The following OR51B5 variants were observed in gnomAD, a reference collection of about 807,000 sequenced individuals.
The protein encoded by OR51B5 is olfactory receptor family 51 subfamily B member 5.
For missense variants in OR51B5, 456 were observed against 374.6 expected (o/e 1.22, Z -1.79); for synonymous variants, 186 against 144.8 (o/e 1.28, Z -2.04).
At chr11:5,461,244 G>C (rs759236646) in intron 1 of OR51B5, among the ~76,000 whole-genome samples, 4 of 152,194 alleles carry the variant, frequency 2.6e-5, no homozygotes, top group Non-Finnish European at 5.9e-5. Flanking sequence ...TTCATGTTGA[G>C]AGGCTGCAGG....
intron 1 of OR51B5, among the ~76,000 whole-genome samples, chr11:5,463,789 C>G (rs1313036875): frequency 6.6e-6 from 1 of 152,178 alleles, no homozygotes; most frequent in Non-Finnish European, 1.5e-5. Flanking sequence ...TGGGAGAAAC[C>G]TGTCTAAAGA....
intron 1 of OR51B5, among the ~76,000 whole-genome samples, chr11:5,377,885 C>G (rs904464013): frequency 1.2e-4 from 18 of 152,070 alleles, no homozygotes; most frequent in African/African-American, 4.3e-4. Context: ...GGCCATAATG[C>G]CCAAGGTAAT....
chr11:5,376,216 G>C (rs1200789130), intron 1 of OR51B5, among the ~76,000 whole-genome samples: 1 of 151,748 alleles, frequency 6.6e-6, no homozygotes, highest in Non-Finnish European at 1.5e-5. Flanking sequence ...ATGACTACTG[G>C]GTACATAACG....
chr11:5,362,678 AT>A, intron 1 of OR51B5: 1 of 209,518 alleles, frequency 4.8e-6, no homozygotes, highest in Non-Finnish European at 1.0e-5. Flanking sequence ...CCCCCATCTG[AT>A]TGTAGAGCTT....
chr11:5,362,430 T>A (rs946594709), intron 1 of OR51B5, among the ~76,000 whole-genome samples: 2 of 152,198 alleles, frequency 1.3e-5, no homozygotes, highest in Admixed American at 6.5e-5. Context: ...GAACATTAGT[T>A]GTTGAGCCTT....
At chr11:5,401,989 G>C (rs566314233) in intron 1 of OR51B5, among the ~76,000 whole-genome samples, 2 of 136,966 alleles carry the variant, frequency 1.5e-5, no homozygotes, top group African/African-American at 5.5e-5. Flanking sequence ...CCTCCCTCCC[G>C]CTTGCTGTTC....
At chr11:5,355,678 C>G (rs1014242704) in intron 1 of OR51B5, 1 of 151,640 alleles carries the variant, frequency 6.6e-6, no homozygotes, top group Non-Finnish European at 1.5e-5. Flanking sequence ...ACTGTATCCA[C>G]AAATCATCTG....
At chr11:5,410,936 G>A (rs570092871) in intron 1 of OR51B5, among the ~76,000 whole-genome samples, 1 of 65,836 alleles carries the variant, frequency 1.5e-5, no homozygotes, top group South Asian at 7.5e-4. Flanking sequence ...ATGCATTCAT[G>A]GATTTAGCTG....
chr11:5,471,601 A>T (rs868285451), intron 1 of OR51B5, among the ~76,000 whole-genome samples: 1 of 149,420 alleles, frequency 6.7e-6, no homozygotes, highest in Non-Finnish European at 1.5e-5. Flanking sequence ...GCACCATTGC[A>T]CTCCAGCCTG....
intron 1 of OR51B5, among the ~76,000 whole-genome samples, chr11:5,484,262 T>C (rs1396712070): frequency 6.6e-6 from 1 of 152,150 alleles, no homozygotes; most frequent in Non-Finnish European, 1.5e-5. Flanking sequence ...GGTGCCTGTA[T>C]TGTGAACCTA....
chr11:5,476,661 A>C (rs1851310694), intron 1 of OR51B5, among the ~76,000 whole-genome samples: 1 of 152,338 alleles, frequency 6.6e-6, no homozygotes, highest in Middle Eastern at 3.4e-3. Flanking sequence ...TCACCAACCC[A>C]AAATAATACC....
intron 1 of OR51B5, chr11:5,390,549 T>C: frequency 1.7e-6 from 1 of 597,350 alleles, no homozygotes; most frequent in Non-Finnish European, 2.8e-6. Flanking sequence ...TGAACTTCTC[T>C]TGCTTAGATT....
intron 1 of OR51B5, among the ~76,000 whole-genome samples, chr11:5,433,751 G>A (rs899821547): frequency 4.6e-5 from 7 of 152,006 alleles, no homozygotes; most frequent in African/African-American, 1.7e-4. Context: ...AGAATCACTT[G>A]AGTCCAGGAG....
At chr11:5,377,201 G>C (rs1035530822) in intron 1 of OR51B5, among the ~76,000 whole-genome samples, 2 of 152,042 alleles carry the variant, frequency 1.3e-5, no homozygotes, top group African/African-American at 4.8e-5. Flanking sequence ...CAGAACCAAA[G>C]ACAAAAACCA....
intron 1 of OR51B5, among the ~76,000 whole-genome samples, chr11:5,467,910 A>T (rs190479350): frequency 6.6e-6 from 1 of 152,264 alleles, no homozygotes; most frequent in East Asian, 1.9e-4. Context: ...ACAGCATGTG[A>T]CTTTTCTATA....
intron 1 of OR51B5, among the ~76,000 whole-genome samples, chr11:5,435,593 T>C (rs1850581703): frequency 2.1e-5 from 1 of 48,586 alleles, no homozygotes; most frequent in African/African-American, 4.5e-5. Context: ...GATGAATAAA[T>C]AACTGAATAA....
intron 1 of OR51B5, among the ~76,000 whole-genome samples, chr11:5,442,282 TA>T (rs1313535498): frequency 6.6e-6 from 1 of 152,140 alleles, no homozygotes; most frequent in Admixed American, 6.5e-5. Context: ...TTTATGGGAA[TA>T]AAAAAAGAGA....
intron 1 of OR51B5, among the ~76,000 whole-genome samples, chr11:5,394,420 G>A (rs942914819): frequency 6.6e-6 from 1 of 152,156 alleles, no homozygotes; most frequent in Admixed American, 6.5e-5. Context: ...ATCAGCCAAA[G>A]CTGTACATAT....
intron 1 of OR51B5, among the ~76,000 whole-genome samples, chr11:5,466,709 G>C (rs1195410463): frequency 6.6e-6 from 1 of 152,214 alleles, no homozygotes; most frequent in African/African-American, 2.4e-5. Flanking sequence ...TCTGAAGGGA[G>C]AGGCAATGGC....
Sources: gnomAD v4.1 joint callset for allele counts (sites outside exome capture counted in the v4.1 genomes callset) on GRCh38, gnomAD v4.1.1 for gene constraint, MANE v1.5 for transcripts, NCBI Gene and HGNC (gene_info 2026-07-23, HGNC 2026-07-21) for gene names.